Variants in RBFOX1 observed in about 807,000 individuals in gnomAD.
The protein encoded by RBFOX1 is RNA binding fox-1 homolog 1, also known as RNA binding protein fox-1 homolog 1.
RBFOX1 carries 8 observed loss-of-function variants against 57.7 expected under a neutral mutation model. The observed-to-expected ratio is 0.14, with a 90% CI of 0.08 to 0.25. The LOEUF is 0.25. RBFOX1 is among the 10% of genes least tolerant of loss of function. RBFOX1 has a pLI of 1.00. For synonymous variants in RBFOX1, 326 were observed against 222.4 expected (o/e 1.47, Z -4.15); for missense variants, 611 against 548.5 (o/e 1.11, Z -1.14).
intron 11 of RBFOX1, among the ~76,000 whole-genome samples, chr16:7,643,650 A>G (rs780503889): frequency 2.0e-5 from 3 of 152,162 alleles, no homozygotes; most frequent in Admixed American, 6.5e-5. Context: ...TGCATTCCCA[A>G]TATTTTTGGG....
chr16:7,689,336 T>A (rs986006053), intron 14 of RBFOX1, among the ~76,000 whole-genome samples: 6 of 152,000 alleles, frequency 3.9e-5, no homozygotes, highest in Non-Finnish European at 5.9e-5. Context: ...CTGGGACAGG[T>A]GAGCTTTGAA....
In RBFOX1 at chr16:7,226,296, C is replaced by T. The variant is rs559793079; in HGVS notation, c.27+174198C>T. Among the ~76,000 whole-genome samples the T allele has an allele frequency of 5.3e-5, 8 of 152,286 alleles. No homozygotes were observed. The East Asian group carries it at 9.6e-4, about 18-fold the overall frequency. On this transcript the variant is annotated intron_variant, in intron 4 of 15. Transcript: ENST00000550418. ...CAGGCCTCTCATGAACTACAAGCTA[C>T]GGAGTTCTCTGAAACTGGAGAAGAG...
intron 3 of RBFOX1, among the ~76,000 whole-genome samples, chr16:5,758,239 T>A (rs1295732197): frequency 6.6e-6 from 1 of 152,204 alleles, no homozygotes. Flanking sequence ...ATTCTTCACT[T>A]TCTTCATGGG....
At chr16:6,482,462 G>A (rs765293611) in intron 2 of RBFOX1, among the ~76,000 whole-genome samples, 9 of 152,214 alleles carry the variant, frequency 5.9e-5, no homozygotes, top group East Asian at 5.8e-4. Context: ...ATTAACAACA[G>A]CAACAAAAAA....
chr16:5,319,370 T>C (rs6500679), intron 1 of RBFOX1, among the ~76,000 whole-genome samples: 60 of 152,242 alleles, frequency 3.9e-4, no homozygotes, highest in Non-Finnish European at 5.6e-4. Context: ...AATTTGTCTT[T>C]GGTTCACAGC....
intron 4 of RBFOX1, among the ~76,000 whole-genome samples, chr16:7,229,308 C>T (rs1243342029): frequency 6.6e-6 from 1 of 152,094 alleles, no homozygotes; most frequent in Non-Finnish European, 1.5e-5. Context: ...TGAGATGGCC[C>T]AAATTTCCTT....
chr16:7,126,233 A>G (rs1429694903), intron 4 of RBFOX1: 2 of 202,716 alleles, frequency 9.9e-6, no homozygotes, highest in Non-Finnish European at 2.0e-5. Context: ...ATTAAGTACA[A>G]TTTCCATTTT....
chr16:6,830,392 A>T (rs1182558015), intron 3 of RBFOX1, among the ~76,000 whole-genome samples: 1 of 152,138 alleles, frequency 6.6e-6, no homozygotes, highest in Non-Finnish European at 1.5e-5. Context: ...TTTGAATTTT[A>T]CTAACGGGAA....
intron 2 of RBFOX1, among the ~76,000 whole-genome samples, chr16:6,595,328 C>T (rs1181854847): frequency 1.3e-5 from 2 of 152,158 alleles, no homozygotes; most frequent in East Asian, 3.9e-4. Flanking sequence ...CCTTTCATGT[C>T]TGGCTTCTTT....
chr16:6,161,719 A>G (rs1243101082), intron 1 of RBFOX1, among the ~76,000 whole-genome samples: 1 of 152,208 alleles, frequency 6.6e-6, no homozygotes, highest in Non-Finnish European at 1.5e-5. Flanking sequence ...TGTCATCTAC[A>G]CACACCTGGC....
chr16:6,406,868 C>T (rs904858368), intron 2 of RBFOX1, among the ~76,000 whole-genome samples: 1 of 152,122 alleles, frequency 6.6e-6, no homozygotes, highest in Non-Finnish European at 1.5e-5. Flanking sequence ...TTGAAATGAA[C>T]AGTTGTGTGT....
intron 3 of RBFOX1, among the ~76,000 whole-genome samples, chr16:6,865,322 A>G (rs1275773474): frequency 6.6e-6 from 1 of 151,952 alleles, no homozygotes; most frequent in Non-Finnish European, 1.5e-5. Context: ...TTTTTTAAGT[A>G]CTTATAATAA....
At chr16:7,092,913 C>T (rs1271075776) in intron 4 of RBFOX1, among the ~76,000 whole-genome samples, 2 of 152,114 alleles carry the variant, frequency 1.3e-5, no homozygotes, top group Non-Finnish European at 2.9e-5. Flanking sequence ...GCCTAAGTGT[C>T]ATCTGTTTTT....
chr16:6,117,603 A>G (rs1276745119), intron 1 of RBFOX1, among the ~76,000 whole-genome samples: 1 of 152,270 alleles, frequency 6.6e-6, no homozygotes, highest in Non-Finnish European at 1.5e-5. Context: ...CCGTGTGAAG[A>G]CACAGCATTC....
chr16:7,553,969 C>T (rs535725213), intron 5 of RBFOX1, among the ~76,000 whole-genome samples: 1 of 152,096 alleles, frequency 6.6e-6, no homozygotes, highest in Non-Finnish European at 1.5e-5. Context: ...GAAGGCCAGG[C>T]CCAGTGGCTC....
intron 3 of RBFOX1, among the ~76,000 whole-genome samples, chr16:6,852,253 C>A (rs1426150032): frequency 6.6e-6 from 1 of 152,136 alleles, no homozygotes; most frequent in Admixed American, 6.5e-5. Flanking sequence ...ACTGCAGTCT[C>A]TGCCTCTGTG....
intron 2 of RBFOX1, among the ~76,000 whole-genome samples, chr16:6,320,300 A>G (rs1047747332): frequency 5.3e-5 from 8 of 152,134 alleles, no homozygotes; most frequent in Non-Finnish European, 1.0e-4. Flanking sequence ...TGCCACATCT[A>G]TCTTTTCCTG....
chr16:7,240,820 T>G (rs563970650), intron 4 of RBFOX1, among the ~76,000 whole-genome samples: 1 of 152,206 alleles, frequency 6.6e-6, no homozygotes, highest in Non-Finnish European at 1.5e-5. Flanking sequence ...TCCACCTGCC[T>G]CAGCCTTCCA....
intron 3 of RBFOX1, among the ~76,000 whole-genome samples, chr16:6,940,365 T>C (rs1165655916): frequency 2.0e-5 from 3 of 152,144 alleles, no homozygotes; most frequent in African/African-American, 2.4e-5. Context: ...ACTACATTGC[T>C]CACTTCCCAT....
Sources: gnomAD v4.1 joint callset for allele counts (sites outside exome capture counted in the v4.1 genomes callset) on GRCh38, gnomAD v4.1.1 for gene constraint, MANE v1.5 for transcripts, NCBI Gene and HGNC (gene_info 2026-07-23, HGNC 2026-07-21) for gene names.